The following AGAP1 variants were observed in gnomAD, a reference collection of about 807,000 sequenced individuals.
The protein encoded by AGAP1 is ArfGAP with GTPase domain, ankyrin repeat and PH domain 1, also known as arf-GAP with GTPase, ANK repeat and PH domain-containing protein 1.
A neutral mutation model predicts 105.3 loss-of-function variants in AGAP1; 29 were observed. The ratio of observed to expected loss-of-function variants is 0.28; its 90% CI spans 0.21 to 0.38. The LOEUF (loss-of-function observed/expected upper bound fraction) is 0.38. Ranked by LOEUF, AGAP1 falls within the 10% of genes least tolerant of loss-of-function variation. The pLI is 1.00. For synonymous variants in AGAP1, 509 were observed against 485.9 expected (o/e 1.05, Z -0.63); for missense variants, 998 against 1,165.1 (o/e 0.86, Z 2.09).
At chr2:235,897,612 T>C (rs2050868447) in intron 10 of AGAP1, among the ~76,000 whole-genome samples, 1 of 152,168 alleles carries the variant, frequency 6.6e-6, no homozygotes. Flanking sequence ...GATAACATTT[T>C]GTTTTCCATT....
chr2:235,708,678 G>A (rs1413456931), intron 1 of AGAP1, among the ~76,000 whole-genome samples: 1 of 152,196 alleles, frequency 6.6e-6, no homozygotes, highest in Non-Finnish European at 1.5e-5. Context: ...TACACTGTGA[G>A]CATTCAAATC....
At position 235,625,327 on chromosome 2, in the gene AGAP1, A is replaced by T. The variant is rs1946604036; in HGVS notation, c.164-83852A>T. ...CAGCATTGAGTATAAGGTGACCTGGAGGAGGTGTGAAGACCTGCGCATGTG... is the reference window on the plus strand; with the variant it reads ...CAGCATTGAGTATAAGGTGACCTGGTGGAGGTGTGAAGACCTGCGCATGTG... On this transcript the variant is annotated intron_variant, in intron 1 of 17. Coordinates refer to ENST00000304032, the MANE Select transcript of AGAP1 (RefSeq NM_001037131.3). This position sits in a 1 kb window ranked among gnomAD's most constrained non-coding sequence, Gnocchi z 4.0. Among the ~76,000 whole-genome samples, 1 of 152,194 alleles carries T rather than the reference A, an allele frequency of 6.6e-6. No individual in the cohort carries two copies. Among genetic ancestry groups the T allele is most frequent in the South Asian group, 2.1e-4 (1 of 4,828 alleles).
intron 8 of AGAP1, among the ~76,000 whole-genome samples, chr2:235,803,115 GTGA>G (rs1388329135): frequency 1.2e-3 from 127 of 106,754 alleles, no homozygotes; most frequent in Middle Eastern, 5.8e-3. Flanking sequence ...GGTTGTGATG[GTGA>G]TGATGATGGT....
At chr2:236,110,617 C>T (rs893971913) in intron 16 of AGAP1, among the ~76,000 whole-genome samples, 2 of 152,146 alleles carry the variant, frequency 1.3e-5, no homozygotes, top group African/African-American at 4.8e-5. Flanking sequence ...ACTTGATAAG[C>T]ATTGGCTGTG....
rs1280566453 is a variant in AGAP1 at position 235,599,211 on chromosome 2, C to G, written c.163+104362C>G. ...CCCCAGGGTACGCAGCCAGTCCCTT[C>G]CACGAATGCTGCGAGAACCCACACA... On this transcript the variant is annotated intron_variant, in intron 1 of 17. Transcript: ENST00000304032. The surrounding 1 kb of genome is among the most constrained non-coding windows in gnomAD (Gnocchi z 5.3). Among the ~76,000 whole-genome samples, 1 of 152,184 alleles carries G rather than the reference C, an allele frequency of 6.6e-6. No homozygotes were observed. The highest frequency in any genetic ancestry group is 1.5e-5 in the Non-Finnish European group (1 of 68,044).
rs2059883708 is a variant in AGAP1 at position 236,120,981 on chromosome 2, CAG to C, written c.2370+539_2370+540del. Among the ~76,000 whole-genome samples, 1 of 152,232 alleles carries C rather than the reference CAG, an allele frequency of 6.6e-6. No homozygotes were observed. The highest frequency in any genetic ancestry group is 2.4e-5 in the African/African-American group (1 of 41,464). On this transcript the variant is annotated intron_variant, in intron 17 of 17. Coordinates refer to ENST00000304032, the MANE Select transcript of AGAP1 (RefSeq NM_001037131.3). This position sits in a 1 kb window ranked among gnomAD's most constrained non-coding sequence, Gnocchi z 6.0. ...GAAAGAGAAGGATAAAGTGGTTGTG[CAG>C]AGAGGCCCTGCCTGTGCCACCCAGG...
At chr2:235,516,044 G>A (rs114777868) in intron 1 of AGAP1, among the ~76,000 whole-genome samples, 1,937 of 122,830 alleles carry the variant, frequency 0.016, 31 homozygotes, top group African/African-American at 0.06. Flanking sequence ...TGTTCCTGCC[G>A]CATGGGCTCC....
At position 235,746,377 on chromosome 2, in the gene AGAP1, C is replaced by CTTTTTTTT. The variant is rs1172393048; in HGVS notation, c.538+1565_538+1572dup. On this transcript the variant is annotated intron_variant, in intron 5 of 17. Transcript: ENST00000304032. ...GCTTCCTGGAGAGCACCTCCCCCAA[C>CTTTTTTTT]TTTTTTTTTTTTTTTTTTTTTTTTT... Among the ~76,000 whole-genome samples, 303 of 55,556 alleles carry CTTTTTTTT rather than the reference C, an allele frequency of 5.5e-3. 58 individuals are homozygous for CTTTTTTTT. Among genetic ancestry groups the CTTTTTTTT allele is most frequent in the African/African-American group, 9.5e-3 (118 of 12,470 alleles). 36.4% of individuals were successfully genotyped at this position (55,556 alleles called of 152,430 possible). A position where few individuals can be genotyped will look rare whatever the true frequency, so the allele number is the denominator to read the frequency against.
At position 235,721,130 on chromosome 2, in the gene AGAP1, C is replaced by G. The variant is rs976096728; in HGVS notation, c.310+3486C>G. On this transcript the variant is annotated intron_variant, in intron 3 of 17. Transcript: ENST00000304032. This position sits in a 1 kb window ranked among gnomAD's most constrained non-coding sequence, Gnocchi z 4.5. ...TCAAGTGATCCTCCTGCCGCAGCCT[C>G]CTGAGTAGCTGGGATTACAGGCACC... is the stretch of plus-strand genomic sequence containing the variant. 7.9e-5 allele frequency among the ~76,000 whole-genome samples: 12 copies of G among 152,158 alleles called. No homozygotes were observed. The highest frequency in any genetic ancestry group is 1.2e-4 in the Non-Finnish European group (8 of 68,042).
At chr2:235,783,345 A>T (rs1047037807) in intron 6 of AGAP1, 2 of 471,206 alleles carry the variant, frequency 4.2e-6, no homozygotes, top group African/African-American at 4.0e-5. Context: ...TGTATGCTTA[A>T]TGTTCTAAAA....
chr2:235,661,523 G>A (rs953667964), intron 1 of AGAP1, among the ~76,000 whole-genome samples: 1 of 143,978 alleles, frequency 6.9e-6, no homozygotes, highest in African/African-American at 3.0e-5. Context: ...GGCTGGCCAG[G>A]GCTGTGGGGG....
In AGAP1 at chr2:236,003,918, A is replaced by G. The variant is rs571707551; in HGVS notation, c.1646-32643A>G. On this transcript the variant is annotated intron_variant, in intron 13 of 17. Transcript: ENST00000304032. This position sits in a 1 kb window ranked among gnomAD's most constrained non-coding sequence, Gnocchi z 4.2. ...CATACATGGTATAGATTGATGCATA[A>G]AACAGTCAGCCCCTGGACTCCATGG... is the stretch of plus-strand genomic sequence containing the variant. Among the ~76,000 whole-genome samples, 4 of 152,316 alleles carry G rather than the reference A, an allele frequency of 2.6e-5. No homozygotes were observed. The East Asian group carries it at 7.7e-4, about 29-fold the overall frequency.
intron 12 of AGAP1, among the ~76,000 whole-genome samples, chr2:235,941,573 G>A (rs977346907): frequency 1.3e-5 from 2 of 152,208 alleles, no homozygotes; most frequent in Admixed American, 6.5e-5. Context: ...AAGTCAAGTC[G>A]TGCATGCATG....
chr2:235,607,044 C>G (rs1010103443), intron 1 of AGAP1, among the ~76,000 whole-genome samples: 1 of 151,180 alleles, frequency 6.6e-6, no homozygotes, highest in African/African-American at 2.4e-5. Context: ...ATGAGACTGG[C>G]AGGTGAGAAA....
rs3768950 is a variant in AGAP1, at chr2:236,045,890, A to C, written c.1892-3169A>C. On this transcript the variant is annotated intron_variant, in intron 15 of 17. Coordinates refer to ENST00000304032, the MANE Select transcript of AGAP1 (RefSeq NM_001037131.3). This position sits in a 1 kb window ranked among gnomAD's most constrained non-coding sequence, Gnocchi z 6.9. The stretch of plus-strand genomic sequence containing the variant: ...TGTCTCTAAGCAGAGGGTGGTGAGC[A>C]TGGGGCCCTGGAACACTGTGCCCCC... The C allele has an allele frequency of 2.8e-5, 13 of 465,074 alleles. No individual in the cohort carries two copies. The highest frequency in any genetic ancestry group is 1.8e-4 in the African/African-American group (9 of 49,976). 28.8% of individuals were successfully genotyped at this position (465,074 alleles called of 1,614,324 possible).
chr2:235,974,653 T>C (rs1465742323), intron 13 of AGAP1, among the ~76,000 whole-genome samples: 4 of 152,236 alleles, frequency 2.6e-5, no homozygotes, highest in Non-Finnish European at 4.4e-5. Context: ...CTCACTGTTA[T>C]GGTAGAAAAT....
chr2:235,764,660 C>T (rs982759700), intron 6 of AGAP1, among the ~76,000 whole-genome samples: 1 of 150,782 alleles, frequency 6.6e-6, no homozygotes, highest in African/African-American at 2.4e-5. Flanking sequence ...CACCTGGGAG[C>T]GCCCGTGGGG....
chr2:235,724,439 A>G lies in AGAP1; in HGVS notation c.310+6795A>G, dbSNP rs1447213281. On this transcript the variant is annotated intron_variant, in intron 3 of 17. Transcript: ENST00000304032. This position sits in a 1 kb window ranked among gnomAD's most constrained non-coding sequence, Gnocchi z 4.9. ...GGTCACTGGGAGATTAGCCTCCCTC[A>G]TTCATTTTCCCGATAGAATATGATA... is the stretch of plus-strand genomic sequence containing the variant. 6.6e-6 allele frequency among the ~76,000 whole-genome samples: 1 copy of G among 152,190 alleles called. No individual in the cohort carries two copies. Among genetic ancestry groups the G allele is most frequent in the African/African-American group, 2.4e-5 (1 of 41,448 alleles).
rs971830458 is a variant in AGAP1 at position 235,582,062 on chromosome 2, C to A, written c.163+87213C>A. On this transcript the variant is annotated intron_variant, in intron 1 of 17. Coordinates refer to ENST00000304032, the MANE Select transcript of AGAP1 (RefSeq NM_001037131.3). This position sits in a 1 kb window ranked among gnomAD's most constrained non-coding sequence, Gnocchi z 4.7. ...CTTTAGGAGACATGAAATGTTCCTTCCATCCAGGGAAGACGTGATTGCAGC... is the reference window on the plus strand; with the variant it reads ...CTTTAGGAGACATGAAATGTTCCTTACATCCAGGGAAGACGTGATTGCAGC... Among the ~76,000 whole-genome samples the A allele has an allele frequency of 6.6e-6, 1 of 152,190 alleles. No homozygotes were observed. The highest frequency in any genetic ancestry group is 2.4e-5 in the African/African-American group (1 of 41,442).
Sources: gnomAD v4.1 joint callset for allele counts (sites outside exome capture counted in the v4.1 genomes callset) on GRCh38, gnomAD v4.1.1 for gene constraint, Gnocchi (gnomAD v3.1) non-coding constraint, MANE v1.5 for transcripts, NCBI Gene and HGNC (gene_info 2026-07-23, HGNC 2026-07-21) for gene names.